The following MORN3 variants were observed in gnomAD, a reference collection of about 807,000 sequenced individuals.
The protein encoded by MORN3 is MORN repeat-containing protein 3.
A neutral mutation model predicts 34.7 loss-of-function variants in MORN3; 38 were observed. That is an observed-to-expected ratio of 1.10 (90% CI 0.85 to 1.44). MORN3 has a LOEUF of 1.44. Among genes scored for constraint, MORN3 ranks in the 40% most tolerant of loss-of-function variants. The pLI is 0.00. For synonymous variants in MORN3, 109 were observed against 115.3 expected (o/e 0.95, Z 0.35); for missense variants, 311 against 321.7 (o/e 0.97, Z 0.25).
At chr12:121,665,905 G>C (rs150819768) in intron 1 of MORN3, among the ~76,000 whole-genome samples, 5 of 152,164 alleles carry the variant, frequency 3.3e-5, no homozygotes, top group Admixed American at 3.3e-4. Flanking sequence ...CTGGTTGTCG[G>C]AACACTGAAG....
upstream of MORN3, among the ~76,000 whole-genome samples, chr12:121,669,848 C>A (rs1164771141): frequency 4.4e-5 from 6 of 135,268 alleles, no homozygotes; most frequent in Non-Finnish European, 6.2e-5. Flanking sequence ...TTTTTTATGT[C>A]TTCTAAATAT....
chr12:121,659,372 G>A, intron 1 of MORN3, 24 bp from the exon 2 acceptor site: 1 of 1,609,710 alleles, frequency 6.2e-7, no homozygotes, highest in Non-Finnish European at 8.5e-7. Flanking sequence ...GATGGGCAAT[G>A]CTGCAGACAT....
intron 1 of MORN3, among the ~76,000 whole-genome samples, chr12:121,661,641 C>A (rs536404598): frequency 1.1e-4 from 17 of 151,936 alleles, no homozygotes; most frequent in Non-Finnish European, 2.5e-4. Context: ...TTTGGGAGGC[C>A]GAGGCGCGCT....
At chr12:121,659,135 G>A (rs1247177359) in intron 2 of MORN3, 56 bp downstream of exon 2, 5 of 1,283,226 alleles carry the variant, frequency 3.9e-6, no homozygotes, top group Non-Finnish European at 5.3e-6. Context: ...ACACACACGC[G>A]CGCACACACA....
Position 121,665,198 on chromosome 12 carries a change from C to A in MORN3, c.145+4141G>T, listed in dbSNP as rs141328186. Among the ~76,000 whole-genome samples, 797 of 151,172 alleles carry A rather than the reference C, an allele frequency of 5.3e-3. 6 individuals are homozygous for A. The highest frequency in any genetic ancestry group is 0.018 in the African/African-American group (759 of 41,166). ...GTATATGGCCTGTGCTGGGGAAAGT[C>A]CCTAGCCTAACAGTACTGGAGTACC... On this transcript the variant is annotated intron_variant, in intron 1 of 5. Coordinates refer to ENST00000355329, the MANE Select transcript of MORN3 (RefSeq NM_173855.5).
At chr12:121,665,594 G>C (rs1304183331) in intron 1 of MORN3, among the ~76,000 whole-genome samples, 1 of 151,108 alleles carries the variant, frequency 6.6e-6, no homozygotes, top group Non-Finnish European at 1.5e-5. Context: ...GTGAAACCTC[G>C]TCTCTACTGA....
At chr12:121,666,477 C>A (rs1325800683) in intron 1 of MORN3, among the ~76,000 whole-genome samples, 2 of 152,092 alleles carry the variant, frequency 1.3e-5, no homozygotes, top group African/African-American at 4.8e-5. Flanking sequence ...GCACTCCATC[C>A]TGGGCGACAG....
At position 121,648,936 on chromosome 12, in the gene MORN3, A is replaced by AT. The variant is rs5801464; in HGVS notation, c.*2714dup. On this transcript the variant is annotated 3_prime_UTR_variant, in exon 6 of 6. Coordinates refer to ENST00000355329, the MANE Select transcript of MORN3 (RefSeq NM_173855.5). Reference sequence around the variant, plus strand: ...ATAAACAAGCACACCCTCTTCCAACATTTTTTTTTTTTTTGAGATGGAGTC... The same window carrying AT: ...ATAAACAAGCACACCCTCTTCCAACATTTTTTTTTTTTTTTGAGATGGAGTC... 0.23 allele frequency: 33,198 copies of AT among 142,934 alleles called. 4,004 individuals carry two copies. Among genetic ancestry groups the AT allele is most frequent in the South Asian group, 0.38 (1,705 of 4,536 alleles). The allele number at this position is 142,934 out of a possible 1,614,324, so 8.9% of individuals were successfully genotyped here. A position where few individuals can be genotyped will look rare whatever the true frequency, so the allele number is the denominator to read the frequency against.
At chr12:121,671,596 G>T (rs1261765110), upstream of MORN3, among the ~76,000 whole-genome samples, 3 of 150,364 alleles carry the variant, frequency 2.0e-5, no homozygotes, top group Admixed American at 1.3e-4. Flanking sequence ...ATAGGAATTA[G>T]CAAGGCCGGG....
upstream of MORN3, chr12:121,672,589 G>T (rs542664358): frequency 2.8e-4 from 43 of 152,476 alleles, 1 homozygote; most frequent in South Asian, 5.8e-3. Context: ...CTGCGGGATC[G>T]CAGCATCCAG....
chr12:121,667,877 C>T (rs1893820180), intron 1 of MORN3, among the ~76,000 whole-genome samples: 1 of 152,004 alleles, frequency 6.6e-6, no homozygotes, highest in African/African-American at 2.4e-5. Flanking sequence ...GCGCCCACTA[C>T]CACAGCCAGC....
At position 121,653,155 on chromosome 12, in the gene MORN3, C is replaced by G; in HGVS notation, c.568G>C (p.Asp190His). The G allele has an allele frequency of 6.2e-7, 1 of 1,614,196 alleles. No individual in the cohort carries two copies. Among genetic ancestry groups the G allele is most frequent in the Non-Finnish European group, 8.5e-7 (1 of 1,180,028 alleles). Residue 190 changes from aspartate (D) to histidine (H), a missense_variant, in exon 4 of 6, where the codon GAC becomes CAC. Coordinates refer to ENST00000355329, the MANE Select transcript of MORN3 (RefSeq NM_173855.5). ...HGQLFEGFWV[D>H]NMAKCGTMID... ...ATCGTCCCGCATTTGGCCATATTGT[C>G]CACCCAGAAGCCTTCAAACAGCTGG... is the stretch of plus-strand genomic sequence containing the variant.
intron 1 of MORN3, among the ~76,000 whole-genome samples, chr12:121,664,282 C>T (rs1315942529): frequency 6.6e-6 from 1 of 152,096 alleles, no homozygotes; most frequent in African/African-American, 2.4e-5. Flanking sequence ...ATGAAAGAGG[C>T]CTGATGAATA....
chr12:121,671,639 T>C (rs766728526), upstream of MORN3, among the ~76,000 whole-genome samples: 1 of 151,890 alleles, frequency 6.6e-6, no homozygotes, highest in Non-Finnish European at 1.5e-5. Flanking sequence ...CCCAGCACTT[T>C]GGGAGGCCGA....
chr12:121,659,652 A>G (rs1482460247), intron 1 of MORN3, among the ~76,000 whole-genome samples: 1 of 151,286 alleles, frequency 6.6e-6, no homozygotes, highest in East Asian at 2.0e-4. Flanking sequence ...CTCCTGCCTC[A>G]GCCTCCAGAG....
chr12:121,669,277 G>A lies in MORN3; in HGVS notation c.145+62C>T. Reference sequence around the variant, plus strand: ...AGTGAGCTCTGCACTCTGCCTTCCTGGCCCTGTTGCCCACTGTGGCTCTGA... The same window carrying A: ...AGTGAGCTCTGCACTCTGCCTTCCTAGCCCTGTTGCCCACTGTGGCTCTGA... On this transcript the variant is annotated intron_variant, in intron 1 of 5. Transcript: ENST00000355329. The A allele has an allele frequency of 3.1e-6, 5 of 1,598,028 alleles. 1 individual carries two copies. In the Admixed American group the frequency reaches 8.4e-5, roughly 27 times the overall value.
chr12:121,670,209 A>G (rs1893916254), upstream of MORN3, among the ~76,000 whole-genome samples: 1 of 151,960 alleles, frequency 6.6e-6, no homozygotes, highest in African/African-American at 2.4e-5. Flanking sequence ...TATGGGTTAC[A>G]TATTTTGACA....
intron 3 of MORN3, among the ~76,000 whole-genome samples, chr12:121,653,763 C>T (rs1254734939): frequency 2.0e-5 from 3 of 152,150 alleles, no homozygotes; most frequent in African/African-American, 7.2e-5. Flanking sequence ...GCCTCTGCCT[C>T]CCAAAGTGCT....
chr12:121,671,112 CAA>C (rs373837950), upstream of MORN3, among the ~76,000 whole-genome samples: 1 of 86,770 alleles, frequency 1.2e-5, no homozygotes. Context: ...GACTCTGTCT[CAA>C]AAAAAAAAAA....
Sources: allele counts gnomAD v4.1 joint callset (sites outside exome capture counted in the v4.1 genomes callset), GRCh38; gene constraint gnomAD v4.1.1; transcripts MANE v1.5; gene names NCBI Gene and HGNC (gene_info 2026-07-23, HGNC 2026-07-21).